ARHGAP26: variants seen among roughly 807,000 people sequenced by gnomAD.
ARHGAP26 encodes the protein rho GTPase-activating protein 26.
ARHGAP26 carries 38 observed loss-of-function variants against 104.8 expected under a neutral mutation model. The observed-to-expected ratio is 0.36, with a 90% CI of 0.28 to 0.48. The LOEUF (loss-of-function observed/expected upper bound fraction) is 0.48, where lower values mean the gene tolerates loss of function less well. Ranked by LOEUF, ARHGAP26 falls within the 20% of genes least tolerant of loss-of-function variation. The pLI is 0.99. For missense variants in ARHGAP26, 704 were observed against 947.9 expected (o/e 0.74, Z 3.38); for synonymous variants, 341 against 340.0 (o/e 1.00, Z -0.03).
At position 143,227,977 on chromosome 5, in the gene ARHGAP26, A is replaced by T. The variant is rs928699302; in HGVS notation, c.*5531A>T. ...ATGCTTTAGAGAGCAAAGGCTTAGC[A>T]TAGACCTAGACCCTTGTGTGGGTAT... On this transcript the variant is annotated 3_prime_UTR_variant, in exon 23 of 23. Transcript: ENST00000645722. The T allele has an allele frequency of 1.8e-5, 4 of 221,442 alleles. No homozygotes were observed. The highest frequency in any genetic ancestry group is 3.6e-5 in the Non-Finnish European group (4 of 110,624). The allele number at this position is 221,442 out of a possible 1,614,324, so 13.7% of individuals were successfully genotyped here.
chr5:143,061,543 C>T (rs1460751429), intron 17 of ARHGAP26, among the ~76,000 whole-genome samples: 2 of 152,158 alleles, frequency 1.3e-5, no homozygotes, highest in African/African-American at 4.8e-5. Context: ...TTTGGAGCAA[C>T]TGTTCCTTTG....
chr5:143,116,058 A>G (rs929409825), intron 17 of ARHGAP26, among the ~76,000 whole-genome samples: 2 of 152,200 alleles, frequency 1.3e-5, no homozygotes, highest in African/African-American at 4.8e-5. Context: ...TATTCCTGAA[A>G]ACTTTTGTTT....
intron 19 of ARHGAP26, among the ~76,000 whole-genome samples, chr5:143,134,560 C>A (rs555201811): frequency 2.0e-5 from 3 of 152,286 alleles, no homozygotes; most frequent in African/African-American, 7.2e-5. Flanking sequence ...ATCTTTTACT[C>A]CACCTTTCAT....
intron 20 of ARHGAP26, among the ~76,000 whole-genome samples, chr5:143,188,955 T>C (rs1423074732): frequency 6.6e-6 from 1 of 152,170 alleles, no homozygotes; most frequent in African/African-American, 2.4e-5. Context: ...GCTTGTGTAG[T>C]TCCCCGTTTC....
At chr5:142,889,008 A>G (rs534904738) in intron 5 of ARHGAP26, among the ~76,000 whole-genome samples, 38 of 152,164 alleles carry the variant, frequency 2.5e-4, no homozygotes, top group Non-Finnish European at 5.0e-4. Context: ...ATTCCATTGC[A>G]GGGGGCCCAA....
chr5:142,772,216 G>A (rs1755350552), intron 1 of ARHGAP26, among the ~76,000 whole-genome samples: 1 of 152,222 alleles, frequency 6.6e-6, no homozygotes, highest in Non-Finnish European at 1.5e-5. Flanking sequence ...GAATGCCAGG[G>A]CAGCCCAAAG....
intron 19 of ARHGAP26, among the ~76,000 whole-genome samples, chr5:143,138,167 GTTTTCC>G (rs1002177999): frequency 2.0e-5 from 3 of 152,102 alleles, no homozygotes; most frequent in Non-Finnish European, 4.4e-5. Flanking sequence ...GTTTTGTTTT[GTTTTCC>G]TTTTCCTAAA....
At chr5:142,787,743 T>C (rs1396383430) in intron 1 of ARHGAP26, among the ~76,000 whole-genome samples, 1 of 152,186 alleles carries the variant, frequency 6.6e-6, no homozygotes, top group Non-Finnish European at 1.5e-5. Context: ...TAGAGAAAAT[T>C]TAGAAATTAC....
At chr5:142,999,805 A>G (rs796662292) in intron 11 of ARHGAP26, among the ~76,000 whole-genome samples, 21 of 152,338 alleles carry the variant, frequency 1.4e-4, no homozygotes, top group African/African-American at 4.6e-4. Context: ...GCTAGTGCTT[A>G]TCAAAAGACA....
Position 142,828,652 on chromosome 5 carries a change from C to T in ARHGAP26, c.155-44748C>T, listed in dbSNP as rs574372860. ...GAAGAAAGGTTTTGCCCCCATGAGGCATCAACCATGTGCAGGGTACTGGTG... is the reference window on the plus strand; with the variant it reads ...GAAGAAAGGTTTTGCCCCCATGAGGTATCAACCATGTGCAGGGTACTGGTG... On this transcript the variant is annotated intron_variant, in intron 1 of 22. Transcript: ENST00000645722. Among the ~76,000 whole-genome samples, 12 of 152,322 alleles carry T rather than the reference C, an allele frequency of 7.9e-5. No homozygotes were observed. In the South Asian group the frequency reaches 2.5e-3, roughly 32 times the overall value.
At chr5:142,940,864 C>T (rs1156363811) in intron 11 of ARHGAP26, among the ~76,000 whole-genome samples, 2 of 151,886 alleles carry the variant, frequency 1.3e-5, no homozygotes, top group African/African-American at 2.4e-5. Context: ...ATAACGAGGT[C>T]AGGAGATCGA....
intron 1 of ARHGAP26, among the ~76,000 whole-genome samples, chr5:142,812,926 T>TC (rs1491283076): frequency 6.7e-6 from 1 of 148,930 alleles, no homozygotes; most frequent in Non-Finnish European, 1.5e-5. Context: ...AATTTCTTTT[T>TC]CTTTTTTTTT....
intron 1 of ARHGAP26, among the ~76,000 whole-genome samples, chr5:142,787,022 T>C (rs1758807656): frequency 6.6e-6 from 1 of 152,202 alleles, no homozygotes; most frequent in African/African-American, 2.4e-5. Flanking sequence ...GAACTCTTAG[T>C]CGGACTGTGA....
At chr5:142,800,369 CTT>C (rs200656496) in intron 1 of ARHGAP26, among the ~76,000 whole-genome samples, 3 of 142,072 alleles carry the variant, frequency 2.1e-5, no homozygotes, top group Non-Finnish European at 1.5e-5. Context: ...TTTTCTTTGT[CTT>C]TTTTTTTTTT....
chr5:142,841,883 A>G (rs1272391794), intron 1 of ARHGAP26, among the ~76,000 whole-genome samples: 1 of 152,090 alleles, frequency 6.6e-6, no homozygotes, highest in Non-Finnish European at 1.5e-5. Flanking sequence ...AGAATTTCAC[A>G]TGTTCATTGT....
intron 20 of ARHGAP26, chr5:143,202,892 G>T (rs1224955842): frequency 6.6e-6 from 1 of 152,086 alleles, no homozygotes; most frequent in Non-Finnish European, 1.5e-5. Flanking sequence ...ACTGAAACTG[G>T]ACCCCTTCCT....
At chr5:142,846,360 G>A (rs1240587130) in intron 1 of ARHGAP26, among the ~76,000 whole-genome samples, 1 of 152,196 alleles carries the variant, frequency 6.6e-6, no homozygotes, top group Non-Finnish European at 1.5e-5. Context: ...ATAGGTGGGA[G>A]GGTGGGGCAT....
intron 1 of ARHGAP26, among the ~76,000 whole-genome samples, chr5:142,828,629 A>G (rs1767767370): frequency 6.6e-6 from 1 of 152,220 alleles, no homozygotes. Flanking sequence ...TAATTTAAGA[A>G]GAAAGGTTTT....
intron 20 of ARHGAP26, among the ~76,000 whole-genome samples, chr5:143,155,838 C>G (rs258808): frequency 0.21 from 31,915 of 152,212 alleles, 3,995 homozygotes; most frequent in East Asian, 0.39. Flanking sequence ...TAACCTAAAA[C>G]AGTTTCCAAA....
Sources: gnomAD v4.1 joint callset for allele counts (sites outside exome capture counted in the v4.1 genomes callset) on GRCh38, gnomAD v4.1.1 for gene constraint, MANE v1.5 for transcripts, NCBI Gene and HGNC (gene_info 2026-07-23, HGNC 2026-07-21) for gene names.